Variants in L3MBTL4 observed in about 807,000 individuals in gnomAD.
L3MBTL4 encodes lethal(3)malignant brain tumor-like protein 4.
A neutral mutation model predicts 84.5 loss-of-function variants in L3MBTL4; 70 were observed. The observed-to-expected ratio is 0.83, with a 90% confidence interval of 0.68 to 1.01. L3MBTL4 has a LOEUF of 1.01. L3MBTL4 is among the 50% of genes least tolerant of loss of function. The pLI is 0.00. For missense variants in L3MBTL4, 715 were observed against 754.8 expected (o/e 0.95, Z 0.62); for synonymous variants, 274 against 259.8 (o/e 1.05, Z -0.52).
rs2053254701 is a variant in L3MBTL4 at position 6,352,712 on chromosome 18, GCTATATCATGACCATACAATTTAT to G, written c.-90-40680_-90-40657del. Among the ~76,000 whole-genome samples the G allele has an allele frequency of 2.0e-5, 3 of 152,228 alleles. No homozygotes were observed. In the Middle Eastern group the frequency reaches 0.01, roughly 518 times the overall value. On this transcript the variant is annotated intron_variant, in intron 1 of 18. Transcript: ENST00000317931. ...TTCTGCCAGGAAAATGCAAAGGGATGCTATATCATGACCATACAATTTATCTATTTCTTAGCTGTCTTTCCTATG... is the reference window on the plus strand; with the variant it reads ...TTCTGCCAGGAAAATGCAAAGGGATGCTATTTCTTAGCTGTCTTTCCTATG...
chr18:6,186,454 G>T (rs1239801435), intron 12 of L3MBTL4, among the ~76,000 whole-genome samples: 4 of 152,186 alleles, frequency 2.6e-5, no homozygotes, highest in African/African-American at 9.7e-5. Context: ...GGAAGGCCCT[G>T]CCGAGAGACT....
intron 1 of L3MBTL4, among the ~76,000 whole-genome samples, 168 bp from the exon 2 acceptor site, chr18:6,312,224 C>T (rs73387662): frequency 4.7e-4 from 72 of 152,176 alleles, no homozygotes; most frequent in African/African-American, 1.6e-3. Flanking sequence ...AAACGAGTTC[C>T]GCTGGAGCTA....
intron 12 of L3MBTL4, among the ~76,000 whole-genome samples, chr18:6,199,805 G>T (rs576083903): frequency 4.8e-4 from 73 of 152,324 alleles, no homozygotes; most frequent in South Asian, 3.5e-3. Flanking sequence ...TAAACACAAA[G>T]AAGTAATGTT....
intron 16 of L3MBTL4, chr18:6,030,283 C>G: frequency 1.0e-6 from 1 of 985,164 alleles, no homozygotes; most frequent in East Asian, 1.1e-4. Flanking sequence ...GAATTTTGCA[C>G]CAAATGCACA....
chr18:6,277,267 C>T (rs1302097741), intron 4 of L3MBTL4, among the ~76,000 whole-genome samples: 1 of 151,990 alleles, frequency 6.6e-6, no homozygotes, highest in African/African-American at 2.4e-5. Flanking sequence ...TGCACATGTA[C>T]CCTAAAACTT....
chr18:6,025,625 G>A (rs2055465724), intron 16 of L3MBTL4, among the ~76,000 whole-genome samples: 1 of 152,064 alleles, frequency 6.6e-6, no homozygotes, highest in Non-Finnish European at 1.5e-5. Context: ...AATCTTTTTG[G>A]CACCAGGGAC....
intron 16 of L3MBTL4, among the ~76,000 whole-genome samples, chr18:6,053,638 A>C (rs1439639273): frequency 1.3e-5 from 2 of 152,216 alleles, no homozygotes; most frequent in East Asian, 1.9e-4. Context: ...CAAAACAACG[A>C]ATGCAACTGC....
intron 13 of L3MBTL4, among the ~76,000 whole-genome samples, chr18:6,142,388 T>C (rs1168197116): frequency 6.6e-6 from 1 of 152,204 alleles, no homozygotes; most frequent in African/African-American, 2.4e-5. Context: ...TGCATGGAAA[T>C]ACTGACTGAG....
chr18:5,989,200 G>A (rs2053583996), intron 16 of L3MBTL4, among the ~76,000 whole-genome samples: 1 of 152,174 alleles, frequency 6.6e-6, no homozygotes, highest in African/African-American at 2.4e-5. Flanking sequence ...TGCTTTCTAT[G>A]TGAAAACCTC....
chr18:6,217,074 A>G (rs963665216), intron 10 of L3MBTL4, among the ~76,000 whole-genome samples: 1 of 152,146 alleles, frequency 6.6e-6, no homozygotes, highest in Admixed American at 6.5e-5. Context: ...TAAAATAAGT[A>G]TTTTTTTACA....
At chr18:6,112,614 G>A (rs561308287) in intron 14 of L3MBTL4, among the ~76,000 whole-genome samples, 2 of 152,090 alleles carry the variant, frequency 1.3e-5, no homozygotes, top group South Asian at 2.1e-4. Flanking sequence ...TCTCTGCTCC[G>A]TATTCAGATT....
At chr18:6,112,481 G>A (rs1212430228) in intron 14 of L3MBTL4, among the ~76,000 whole-genome samples, 1 of 152,170 alleles carries the variant, frequency 6.6e-6, no homozygotes, top group Non-Finnish European at 1.5e-5. Context: ...AAGATGCTGT[G>A]CATGTTCTCT....
At chr18:6,362,106 C>CA (rs1391034862) in intron 1 of L3MBTL4, among the ~76,000 whole-genome samples, 2 of 101,290 alleles carry the variant, frequency 2.0e-5, no homozygotes. Context: ...AAGACACTAT[C>CA]AAAAAAAGAA....
At chr18:6,382,017 G>A (rs9957325) in intron 1 of L3MBTL4, among the ~76,000 whole-genome samples, 1,907 of 152,210 alleles carry the variant, frequency 0.013, 48 homozygotes, top group African/African-American at 0.043. Context: ...TTTCTTGGAG[G>A]CTTTGTTCAT....
chr18:6,197,005 G>A (rs1309521144), intron 12 of L3MBTL4, among the ~76,000 whole-genome samples: 2 of 152,238 alleles, frequency 1.3e-5, no homozygotes, highest in Non-Finnish European at 2.9e-5. Flanking sequence ...AGGCCAAGCA[G>A]GGCCCTGAAC....
intron 16 of L3MBTL4, among the ~76,000 whole-genome samples, chr18:6,014,657 C>G (rs1567984205): frequency 6.6e-6 from 1 of 152,012 alleles, no homozygotes; most frequent in Non-Finnish European, 1.5e-5. Context: ...ATGGCTGGAG[C>G]TCAGAGTGGG....
At chr18:6,351,534 G>A (rs759673328) in intron 1 of L3MBTL4, among the ~76,000 whole-genome samples, 6 of 151,930 alleles carry the variant, frequency 3.9e-5, no homozygotes, top group Non-Finnish European at 7.4e-5. Flanking sequence ...ATATTATACC[G>A]CAATTTTTAA....
intron 1 of L3MBTL4, chr18:6,397,519 A>C (rs1031520105): frequency 2.6e-5 from 4 of 152,204 alleles, no homozygotes; most frequent in African/African-American, 7.2e-5. Context: ...AACTGTTCAC[A>C]GTGTGGTATC....
Position 6,311,636 on chromosome 18 carries a change from G to T in L3MBTL4, c.-11C>A, listed in dbSNP as rs747075453. ...GTTGGGCTGTTTCATTGCCACCCCC[G>T]CACTCCTTGGCAGTGGTTTTCTGTA... On this transcript the variant is annotated 5_prime_UTR_variant, in exon 3 of 19. The change creates a premature stop within an existing upstream ORF in the 5' untranslated region. Coordinates refer to ENST00000317931, the MANE Select transcript of L3MBTL4 (RefSeq NM_001330559.2). 1.2e-6 allele frequency: 2 copies of T among 1,610,210 alleles called. No homozygotes were observed. The highest frequency in any genetic ancestry group is 1.3e-5 in the African/African-American group (1 of 74,784).
Sources: allele counts gnomAD v4.1 joint callset (sites outside exome capture counted in the v4.1 genomes callset), GRCh38; gene constraint gnomAD v4.1.1; transcripts MANE v1.5; gene names NCBI Gene and HGNC (gene_info 2026-07-23, HGNC 2026-07-21).